The following APOB variants were observed in gnomAD, a reference collection of about 807,000 sequenced individuals.
APOB encodes apolipoprotein B-100.
Under a neutral mutation model 314.1 loss-of-function variants are expected in APOB, and 153 were observed. The ratio of observed to expected loss-of-function variants is 0.49; its 90% CI spans 0.43 to 0.56. The LOEUF (loss-of-function observed/expected upper bound fraction) is 0.56. Among genes scored for constraint, APOB ranks in the 20% least tolerant of loss-of-function variants. The pLI is 0.00. For synonymous variants in APOB, 2,087 were observed against 2,036.4 expected, an observed-to-expected ratio of 1.02 and a Z score of -0.67; for missense variants, 5,430 against 5,350.7, an observed-to-expected ratio of 1.01 and a Z score of -0.46.
intron 20 of APOB, among the ~76,000 whole-genome samples, chr2:21,017,715 C>G (rs915689140): frequency 4.6e-5 from 7 of 152,194 alleles, no homozygotes; most frequent in African/African-American, 1.7e-4. Flanking sequence ...CCCAACTCCC[C>G]CTTTCTTTGT....
At chr2:21,026,190 C>T (rs1219259684) in intron 15 of APOB, among the ~76,000 whole-genome samples, 2 of 151,954 alleles carry the variant, frequency 1.3e-5, no homozygotes, top group Non-Finnish European at 2.9e-5. Flanking sequence ...CAACCAACTT[C>T]CCCAAGTGCG....
In APOB at chr2:21,006,192, A is replaced by G. The variant is rs1553382934; in HGVS notation, c.10676T>C (p.Ile3559Thr). Reference sequence around the variant, plus strand: ...CGTACTGTGCTCCCAGAGGGAATATATGCGTTGGAGTGTGGCTTCTCCAGC... The same window carrying G: ...CGTACTGTGCTCCCAGAGGGAATATGTGCGTTGGAGTGTGGCTTCTCCAGC... ...NFAGEATLQR[I>T]YSLWEHSTKN... is the part of the protein sequence containing the mutation. Residue 3559 changes from isoleucine to threonine, a missense_variant, in exon 26 of 29, where the codon ATA becomes ACA. By Grantham distance (89) the Ile-to-Thr change is moderately conservative (BLOSUM62 -1). This residue lies in a region of APOB where 3,281 missense variants were observed against 3,171.0 expected (regional missense o/e 1.03). Coordinates refer to ENST00000233242, the MANE Select transcript of APOB (RefSeq NM_000384.3). 4 of 1,613,918 alleles carry G rather than the reference A, an allele frequency of 2.5e-6. No individual in the cohort carries two copies. The highest frequency in any genetic ancestry group is 3.3e-5 in the Admixed American group (2 of 59,968).
chr2:21,008,112 A>G lies in APOB; in HGVS notation c.8756T>C (p.Ile2919Thr). ...CCCTTTTCCAGAAGAAGTCCATGCT[A>G]TGTGGCCAGCTTTCAACAGTGTCTT... ...EIKTLLKAGHIAWTSSGKGSW... is the reference protein window; with the variant it reads ...EIKTLLKAGHTAWTSSGKGSW... Residue 2919 changes from isoleucine to threonine, a missense_variant, in exon 26 of 29, where the codon ATA becomes ACA. By Grantham distance (89) the Ile-to-Thr change is moderately conservative. Transcript: ENST00000233242. The G allele has an allele frequency of 1.2e-6, 2 of 1,613,988 alleles. No homozygotes were observed. The highest frequency in any genetic ancestry group is 2.2e-5 in the East Asian group (1 of 44,876).
At position 21,008,692 on chromosome 2, in the gene APOB, G is replaced by C. The variant is rs1356562605; in HGVS notation, c.8176C>G (p.Leu2726Val). 6.2e-6 allele frequency: 10 copies of C among 1,614,122 alleles called. No homozygotes were observed. The highest frequency in any genetic ancestry group is 7.6e-6 in the Non-Finnish European group (9 of 1,179,990). ...IAIPEFIIPT[L>V]NLNDFQVPDL... ...GGAACTTGAAAATCATTAAGGTTGA[G>C]AGTTGGGATTATGAATTCTGGAATT... Residue 2726 changes from leucine to valine, a missense_variant, in exon 26 of 29, where the codon CTC becomes GTC. Physicochemically the swap from Leu to Val is conservative, Grantham distance 32 (BLOSUM62 1). Coordinates refer to ENST00000233242, the MANE Select transcript of APOB (RefSeq NM_000384.3).
At chr2:21,021,225 T>C (rs1268469490) in intron 18 of APOB, among the ~76,000 whole-genome samples, 1 of 152,168 alleles carries the variant, frequency 6.6e-6, no homozygotes, top group African/African-American at 2.4e-5. Flanking sequence ...GGCGCCTCCT[T>C]CCTCTTTTCT....
intron 2 of APOB, 54 bp downstream of exon 2, chr2:21,043,459 A>T (rs981567368): frequency 6.4e-7 from 1 of 1,565,522 alleles, no homozygotes; most frequent in East Asian, 2.3e-5. Flanking sequence ...ACCCGGGTGT[A>T]GGAGAGTGCA....
Position 21,022,865 on chromosome 2 carries a change from A to G in APOB, c.2782T>C (p.Ser928Pro), listed in dbSNP as rs749256390. 1.2e-6 allele frequency: 2 copies of G among 1,614,144 alleles called. No individual in the cohort carries two copies. Among genetic ancestry groups the G allele is most frequent in the South Asian group, 2.2e-5 (2 of 91,070 alleles). Residue 928 changes from serine (S) to proline (P), a missense_variant, in exon 18 of 29, where the codon TCC (serine) becomes CCC (proline). This residue lies in a region of APOB where 2,085 missense variants were observed against 2,079.7 expected (regional missense o/e 1.00). Coordinates refer to ENST00000233242, the MANE Select transcript of APOB (RefSeq NM_000384.3). ...KAGKLKFIIP[S>P]PKRPVKLLSG... ...AGCAGCTTGACTGGTCTCTTTGGGG[A>G]AGGAATGATAAACTTCAGCTTCCCA...
intron 16 of APOB, chr2:21,024,626 AT>A: frequency 1.9e-6 from 1 of 524,090 alleles, no homozygotes. Context: ...AATTAAAAAA[AT>A]AAAAATAAAA....
rs752192551 is a variant in APOB, at chr2:21,002,321, A to C, written c.13101T>G (p.Leu4367=). 4 of 1,612,768 alleles carry C rather than the reference A, an allele frequency of 2.5e-6. No individual in the cohort carries two copies. The East Asian group carries it at 8.9e-5, about 36-fold the overall frequency. ...GCTGTAACTCTTGAGAAGCTTCCTG[A>C]AGCTCGTTTTGAATAAATTCATTGA... ...HKFNEFIQNE[L]QEASQELQQI... The change falls in exon 29 of 29, where the codon CTT becomes CTG. Residue 4367 remains leucine (L), a synonymous_variant. Transcript: ENST00000233242.
rs972976755 is a variant in APOB at position 21,043,881 on chromosome 2, A to G, written c.65T>C (p.Leu22Pro). The G allele has an allele frequency of 1.6e-6, 2 of 1,264,322 alleles. No homozygotes were observed. Among genetic ancestry groups the G allele is most frequent in the South Asian group, 1.6e-5 (1 of 62,364 alleles). 78.3% of individuals were successfully genotyped at this position (1,264,322 alleles called of 1,614,324 possible). Residue 22 changes from leucine to proline, a missense_variant, in exon 1 of 29, where the codon CTG becomes CCG. Physicochemically the swap from Leu to Pro is moderately conservative, Grantham distance 98. Around this residue, in one of 3 missense-constraint regions of APOB, gnomAD observed 2,085 missense variants for 2,079.7 expected, o/e 1.00. Transcript: ENST00000233242. ...LALPALLLLL[L>P]AGARAEEEML... Reference sequence around the variant, plus strand: ...GCACTCACCGGCCCTGGCGCCCGCCAGCAGCAGCAGCAGCAGCGCAGGCAG... The same window carrying G: ...GCACTCACCGGCCCTGGCGCCCGCCGGCAGCAGCAGCAGCAGCGCAGGCAG...
In APOB at chr2:21,003,239, C is replaced by T. The variant is rs1572775825; in HGVS notation, c.12183G>A (p.Glu4061=). The change falls in exon 29 of 29, where the codon GAG becomes GAA. Residue 4061 remains glutamate (E), a synonymous_variant. Coordinates refer to ENST00000233242, the MANE Select transcript of APOB (RefSeq NM_000384.3). ...ETQIKVNWEE[E]AASGLLTSLK... is the part of the protein sequence containing the mutation. ...GAGAGGTTAGCAAGCCAGAAGCTGC[C>T]TCTTCTTCCCAATTAACTTTGATCT... is the stretch of plus-strand genomic sequence containing the variant. 3.7e-6 allele frequency: 6 copies of T among 1,613,822 alleles called. No individual in the cohort carries two copies. The highest frequency in any genetic ancestry group is 5.1e-6 in the Non-Finnish European group (6 of 1,179,946).
chr2:21,023,748 G>A (rs1159369470), intron 16 of APOB, 56 bp from the exon 17 acceptor site: 14 of 1,490,880 alleles, frequency 9.4e-6, no homozygotes, highest in Middle Eastern at 3.8e-4. Flanking sequence ...AGTCGGTTTT[G>A]TTAATTACAA....
At chr2:21,028,646 T>C in intron 12 of APOB, 108 bp from the exon 13 acceptor site, 1 of 781,458 alleles carries the variant, frequency 1.3e-6, no homozygotes. Context: ...ACAGGTCTAA[T>C]TTCTCTGTAA....
At chr2:21,035,528 G>T (rs1663980639) in intron 7 of APOB, 56 bp downstream of exon 7, 1 of 1,607,794 alleles carries the variant, frequency 6.2e-7, no homozygotes, top group East Asian at 2.2e-5. Context: ...CTTGAGAAGT[G>T]TTCAGTTCAC....
At position 21,011,720 on chromosome 2, in the gene APOB, G is replaced by A. The variant is rs1663326618; in HGVS notation, c.5148C>T (p.Ala1716=). ...TTTTGCTGTCGACACCCAGAATCAT[G>A]GCCTGATAAGCACTTCCCAGTGATA... The part of the protein sequence containing the change: ...TELSLGSAYQ[A]MILGVDSKNI... The change falls in exon 26 of 29, where the codon GCC becomes GCT. Residue 1716 remains alanine (A), a synonymous_variant. Coordinates refer to ENST00000233242, the MANE Select transcript of APOB (RefSeq NM_000384.3). 1 of 1,614,012 alleles carries A rather than the reference G, an allele frequency of 6.2e-7. No individual in the cohort carries two copies. The highest frequency in any genetic ancestry group is 1.7e-5 in the Admixed American group (1 of 60,000).
chr2:21,043,914 A>G lies in APOB; in HGVS notation c.32T>C (p.Leu11Pro). 2 of 1,410,942 alleles carry G rather than the reference A, an allele frequency of 1.4e-6. No homozygotes were observed. The highest frequency in any genetic ancestry group is 2.5e-4 in the Middle Eastern group (1 of 3,962). 87.4% of individuals were successfully genotyped at this position (1,410,942 alleles called of 1,614,324 possible). The change falls in exon 1 of 29, where the codon CTG (leucine) becomes CCG (proline). Residue 11 changes from leucine (L) to proline (P), a missense_variant. Coordinates refer to ENST00000233242, the MANE Select transcript of APOB (RefSeq NM_000384.3). MDPPRPALLALLALPALLLLL... is the reference protein window; with the variant it reads MDPPRPALLAPLALPALLLLL... ...CAGCAGCAGCGCAGGCAGCGCCAGC[A>G]GCGCCAGCAGCGCGGGCCTCGGCGG...
intron 18 of APOB, 127 bp downstream of exon 18, chr2:21,022,704 C>G: frequency 1.2e-6 from 1 of 821,862 alleles, no homozygotes; most frequent in East Asian, 2.6e-5. Flanking sequence ...TCTTTCCTTT[C>G]TACTCCTCTC....
Position 21,013,270 on chromosome 2 carries a change from C to A in APOB, c.4106G>T (p.Trp1369Leu), listed in dbSNP as rs1663380381. The change falls in exon 25 of 29, where the codon TGG becomes TTG. Residue 1369 changes from tryptophan to leucine, a missense_variant. Coordinates refer to ENST00000233242, the MANE Select transcript of APOB (RefSeq NM_000384.3). ...GTTGCCACCACTGTAGGAGGCGGAC[C>A]AGTTGTACAAGTTGCTGTAGACATT... ...STNVYSNLYN[W>L]SASYSGGNTS... 1 of 1,614,082 alleles carries A rather than the reference C, an allele frequency of 6.2e-7. No homozygotes were observed. The highest frequency in any genetic ancestry group is 8.5e-7 in the Non-Finnish European group (1 of 1,180,056).
intron 15 of APOB, among the ~76,000 whole-genome samples, chr2:21,026,282 C>T (rs1663729905): frequency 6.6e-6 from 1 of 151,726 alleles, no homozygotes; most frequent in Non-Finnish European, 1.5e-5. Context: ...CAGTCTCACA[C>T]TGTCACCCGG....
Sources: allele counts gnomAD v4.1 joint callset (sites outside exome capture counted in the v4.1 genomes callset), GRCh38; gene constraint gnomAD v4.1.1; regional missense constraint gnomAD v4.1.1; transcripts MANE v1.5; gene names NCBI Gene and HGNC (gene_info 2026-07-23, HGNC 2026-07-21).